Variants in PIK3R3 observed in about 807,000 individuals in gnomAD.
PIK3R3 encodes the protein phosphoinositide-3-kinase regulatory subunit 3.
Under a neutral mutation model 62.9 loss-of-function variants are expected in PIK3R3, and 64 were observed. The observed-to-expected ratio is 1.02, with a 90% CI of 0.83 to 1.25. The LOEUF (loss-of-function observed/expected upper bound fraction) is 1.25. Among genes scored for constraint, PIK3R3 ranks in the 50% most tolerant of loss-of-function variants. PIK3R3 has a pLI of 0.00. For synonymous variants in PIK3R3, 165 were observed against 189.0 expected (o/e 0.87, Z 1.04); for missense variants, 614 against 561.6 (o/e 1.09, Z -0.94).
At chr1:46,144,355 A>G in the PIK3R3 span, among the ~76,000 whole-genome samples, 1 of 152,166 alleles carries the variant, frequency 6.6e-6, no homozygotes, top group East Asian at 1.9e-4. Context: ...TGGTTCCTAT[A>G]CTAAGGTCAG....
Position 46,046,632 on chromosome 1 carries a change from G to C in PIK3R3, c.942-7C>G. ...TCCTTTGTGATTGAGCCATCTGCCA[G>C]AGGAAAGACACCAGTGTCAGTATCC... On this transcript the variant is annotated splice_polypyrimidine_tract_variant and splice_region_variant and intron_variant, in intron 7 of 9. Transcript: ENST00000262741. 1 of 1,603,356 alleles carries C rather than the reference G, an allele frequency of 6.2e-7. No homozygotes were observed. Among genetic ancestry groups the C allele is most frequent in the Non-Finnish European group, 8.5e-7 (1 of 1,170,230 alleles).
At chr1:46,128,883 T>A (rs1438728492) in intron 1 of PIK3R3, among the ~76,000 whole-genome samples, 1 of 152,028 alleles carries the variant, frequency 6.6e-6, no homozygotes, top group African/African-American at 2.4e-5. Flanking sequence ...GAGTTCGATA[T>A]CAGCCTGGTG....
Position 46,103,176 on chromosome 1 carries a change from C to T in PIK3R3, c.107-22426G>A, listed in dbSNP as rs188776556. ...AGGGGTTGCGTGATAGGGGAAACGA[C>T]GAGTCACTGTTTAATGGGTACAGAG... On this transcript the variant is annotated intron_variant, in intron 1 of 9. Transcript: ENST00000262741. Among the ~76,000 whole-genome samples, 6 of 152,230 alleles carry T rather than the reference C, an allele frequency of 3.9e-5. No individual in the cohort carries two copies. In the East Asian group the frequency reaches 5.8e-4, roughly 15 times the overall value.
the PIK3R3 span, among the ~76,000 whole-genome samples, chr1:46,143,512 C>T: frequency 3.9e-5 from 6 of 151,944 alleles, no homozygotes; most frequent in Non-Finnish European, 5.9e-5. Context: ...GGTGTAATCA[C>T]AGCTCACTGC....
chr1:46,148,596 A>C, the PIK3R3 span, among the ~76,000 whole-genome samples: 2 of 152,166 alleles, frequency 1.3e-5, no homozygotes. Context: ...TCATGTAGCC[A>C]CCCTTGGAAG....
chr1:46,060,872 A>G (rs189548730), intron 6 of PIK3R3, among the ~76,000 whole-genome samples: 86 of 152,342 alleles, frequency 5.6e-4, no homozygotes, highest in African/African-American at 1.8e-3. Context: ...ATTGCATATT[A>G]ATTACTTGTA....
intron 1 of PIK3R3, among the ~76,000 whole-genome samples, chr1:46,104,175 G>A (rs1337325084): frequency 2.0e-5 from 3 of 151,986 alleles, no homozygotes; most frequent in Non-Finnish European, 2.9e-5. Flanking sequence ...TGATCCACTC[G>A]CCTCGGACTT....
Position 46,045,980 on chromosome 1 carries a change from T to C in PIK3R3, c.1125A>G (p.Lys375=). Residue 375 remains lysine (K), a synonymous_variant, in exon 9 of 10, where the codon AAA becomes AAG. Coordinates refer to ENST00000262741, the MANE Select transcript of PIK3R3 (RefSeq NM_003629.4). ...RVQAEDLLYG[K]PDGAFLIRES... ...CACGAATTAAGAATGCACCATCAGGTTTCCCATAAAGCAAGTCCTCTGCTT... is the reference window on the plus strand; with the variant it reads ...CACGAATTAAGAATGCACCATCAGGCTTCCCATAAAGCAAGTCCTCTGCTT... 6.2e-7 allele frequency: 1 copy of C among 1,613,690 alleles called. No individual in the cohort carries two copies. The highest frequency in any genetic ancestry group is 8.5e-7 in the Non-Finnish European group (1 of 1,179,770).
intron 5 of PIK3R3, among the ~76,000 whole-genome samples, chr1:46,062,551 GGC>G (rs778724646): frequency 2.7e-5 from 4 of 149,876 alleles, no homozygotes; most frequent in Non-Finnish European, 4.4e-5. Flanking sequence ...CTCCAGCCTG[GGC>G]GACAGGGCAA....
intron 3 of PIK3R3, 82 bp downstream of exon 3, chr1:46,077,433 G>T (rs1315367537): frequency 3.2e-6 from 2 of 625,820 alleles, no homozygotes; most frequent in Non-Finnish European, 5.6e-6. Flanking sequence ...TATAGATAAA[G>T]ATTTAAATAC....
chr1:46,048,275 A>G (rs1195114187), intron 7 of PIK3R3: 1 of 152,198 alleles, frequency 6.6e-6, no homozygotes, highest in Non-Finnish European at 1.5e-5. Flanking sequence ...ATCATCCTGT[A>G]TCTCCCCAAG....
chr1:46,071,763 C>A (rs904245678), intron 3 of PIK3R3, among the ~76,000 whole-genome samples: 5 of 125,010 alleles, frequency 4.0e-5, no homozygotes, highest in African/African-American at 1.6e-4. Context: ...AGAGAGAGCG[C>A]GCGCCTGATC....
At chr1:46,169,639 G>T in the PIK3R3 span, among the ~76,000 whole-genome samples, 1 of 152,140 alleles carries the variant, frequency 6.6e-6, no homozygotes. Flanking sequence ...AGAACAGCAG[G>T]CAAGCAAGGA....
intron 1 of PIK3R3, among the ~76,000 whole-genome samples, chr1:46,113,452 C>A (rs965800783): frequency 1.3e-5 from 2 of 151,922 alleles, no homozygotes; most frequent in Non-Finnish European, 2.9e-5. Flanking sequence ...TGCCACCACA[C>A]CCAGCCAGAT....
At chr1:46,051,321 G>A (rs935426332) in intron 7 of PIK3R3, among the ~76,000 whole-genome samples, 2 of 151,664 alleles carry the variant, frequency 1.3e-5, no homozygotes, top group Non-Finnish European at 2.9e-5. Context: ...AGTGCAGTGG[G>A]GCGATCTCAG....
the PIK3R3 span, among the ~76,000 whole-genome samples, chr1:46,138,648 A>G: frequency 1.3e-5 from 2 of 152,234 alleles, no homozygotes; most frequent in Admixed American, 1.3e-4. Context: ...ACAGAGTGAG[A>G]CCTTGTCTCA....
chr1:46,075,662 T>C (rs977535290), intron 3 of PIK3R3, among the ~76,000 whole-genome samples: 3 of 151,736 alleles, frequency 2.0e-5, no homozygotes, highest in African/African-American at 7.3e-5. Context: ...TCATTCCTGG[T>C]ACCAAATCTG....
the PIK3R3 span, among the ~76,000 whole-genome samples, chr1:46,139,674 T>G: frequency 1.3e-5 from 2 of 152,128 alleles, no homozygotes; most frequent in East Asian, 3.9e-4. Context: ...AGAATTCCCA[T>G]CCTCCTCGTC....
At chr1:46,071,071 A>T (rs1649434033) in intron 3 of PIK3R3, among the ~76,000 whole-genome samples, 1 of 151,778 alleles carries the variant, frequency 6.6e-6, no homozygotes, top group African/African-American at 2.4e-5. Flanking sequence ...ACAAATTCAG[A>T]CTCTGTCCCC....
Sources: gnomAD v4.1 joint callset for allele counts (sites outside exome capture counted in the v4.1 genomes callset) on GRCh38, gnomAD v4.1.1 for gene constraint, MANE v1.5 for transcripts, NCBI Gene and HGNC (gene_info 2026-07-23, HGNC 2026-07-21) for gene names.